The following NFIX variants were observed in gnomAD, a reference collection of about 807,000 sequenced individuals.
NFIX encodes nuclear factor I X, also known as nuclear factor 1 X-type.
In NFIX, 2 loss-of-function variants were observed where a neutral mutation model predicts 53.3. That is an observed-to-expected ratio of 0.04 (90% CI 0.02 to 0.12). The LOEUF (loss-of-function observed/expected upper bound fraction) is 0.12. Among genes scored for constraint, NFIX ranks in the 10% least tolerant of loss-of-function variants. The probability of loss-of-function intolerance (pLI) is 1.00; values close to 1 mark genes in which losing one functional copy is unlikely to be tolerated. For missense variants in NFIX, 310 were observed against 674.5 expected (o/e 0.46, Z 5.99); for synonymous variants, 244 against 289.0 (o/e 0.84, Z 1.58).
chr19:13,088,248 C>A lies in NFIX; in HGVS notation c.1402+112C>A. On this transcript the variant is annotated intron_variant, in intron 9 of 10. Coordinates refer to ENST00000592199, the MANE Select transcript of NFIX (RefSeq NM_001365902.3). The surrounding 1 kb of genome is among the most constrained non-coding windows in gnomAD (Gnocchi z 5.9). Reference sequence around the variant, plus strand: ...CCTCCCCACCACCAAAGCCCCCCAACCCAGAGCACCATGGACAAGAGCAGA... The same window carrying A: ...CCTCCCCACCACCAAAGCCCCCCAAACCAGAGCACCATGGACAAGAGCAGA... 1 of 1,302,980 alleles carries A rather than the reference C, an allele frequency of 7.7e-7. No homozygotes were observed. The highest frequency in any genetic ancestry group is 1.0e-6 in the Non-Finnish European group (1 of 961,696). 80.7% of individuals were successfully genotyped at this position (1,302,980 alleles called of 1,614,324 possible). A position where few individuals can be genotyped will look rare whatever the true frequency, so the allele number is the denominator to read the frequency against.
chr19:13,020,732 G>C (rs1304025250), intron 1 of NFIX, among the ~76,000 whole-genome samples: 1 of 152,092 alleles, frequency 6.6e-6, no homozygotes, highest in Non-Finnish European at 1.5e-5. Context: ...CTCTTCTGCC[G>C]CCTCTCCTCT....
chr19:12,998,279 C>T lies in NFIX; in HGVS notation c.27+2415C>T, dbSNP rs1028597822. Among the ~76,000 whole-genome samples, 7 of 151,898 alleles carry T rather than the reference C, an allele frequency of 4.6e-5. No homozygotes were observed. The highest frequency in any genetic ancestry group is 1.2e-4 in the African/African-American group (5 of 41,318). On this transcript the variant is annotated intron_variant, in intron 1 of 10. Transcript: ENST00000592199. The surrounding 1 kb of genome is among the most constrained non-coding windows in gnomAD (Gnocchi z 4.4). The stretch of plus-strand genomic sequence containing the variant: ...TCTGCTCCCCCCTCCACTGGCGTCT[C>T]GGACTCTCTCTCTCTCTGTCTCTCT...
At position 13,049,924 on chromosome 19, in the gene NFIX, G is replaced by T. The variant is rs1333279629; in HGVS notation, c.560-23123G>T. On this transcript the variant is annotated intron_variant, in intron 2 of 10. Coordinates refer to ENST00000592199, the MANE Select transcript of NFIX (RefSeq NM_001365902.3). The surrounding 1 kb of genome is among the most constrained non-coding windows in gnomAD (Gnocchi z 4.5). Reference sequence around the variant, plus strand: ...TTTTAAGGCCAAATAATATTTAATTGTATGGCTGTGCCACATTTTGTTTAT... The same window carrying T: ...TTTTAAGGCCAAATAATATTTAATTTTATGGCTGTGCCACATTTTGTTTAT... Among the ~76,000 whole-genome samples the T allele has an allele frequency of 1.3e-5, 2 of 152,324 alleles. No homozygotes were observed. The highest frequency in any genetic ancestry group is 2.9e-5 in the Non-Finnish European group (2 of 68,038).
rs1034596724 is a variant in NFIX, at chr19:13,081,173, C to T, written c.1079-507C>T. 3.3e-5 allele frequency among the ~76,000 whole-genome samples: 5 copies of T among 150,564 alleles called. No homozygotes were observed. Among genetic ancestry groups the T allele is most frequent in the African/African-American group, 9.7e-5 (4 of 41,026 alleles). The stretch of plus-strand genomic sequence containing the variant: ...AGCAAAAATCTACCAGGCCTGGTGG[C>T]GTGCACCTGTAGTGCTGGTTACTTG... On this transcript the variant is annotated intron_variant, in intron 7 of 10. Coordinates refer to ENST00000592199, the MANE Select transcript of NFIX (RefSeq NM_001365902.3). This position sits in a 1 kb window ranked among gnomAD's most constrained non-coding sequence, Gnocchi z 4.7.
chr19:13,074,487 G>A (rs939997394), intron 5 of NFIX, among the ~76,000 whole-genome samples: 6 of 152,164 alleles, frequency 3.9e-5, no homozygotes, highest in African/African-American at 1.4e-4. Flanking sequence ...GACCCCTGAG[G>A]GGTTTTAAGC....
chr19:13,022,365 G>T lies in NFIX; in HGVS notation c.28-2656G>T, dbSNP rs4078717. Among the ~76,000 whole-genome samples, 1 of 152,132 alleles carries T rather than the reference G, an allele frequency of 6.6e-6. No homozygotes were observed. The highest frequency in any genetic ancestry group is 2.4e-5 in the African/African-American group (1 of 41,436). ...GGGGGCTGGGGGAGAAGGGAGGGAC[G>T]TGTGGGGTGCTGGCCTCCCCCTTGT... On this transcript the variant is annotated intron_variant, in intron 1 of 10. Coordinates refer to ENST00000592199, the MANE Select transcript of NFIX (RefSeq NM_001365902.3). The surrounding 1 kb of genome is among the most constrained non-coding windows in gnomAD (Gnocchi z 4.5).
In NFIX at chr19:13,081,107, C is replaced by T. The variant is rs2017435841; in HGVS notation, c.1079-573C>T. 6.6e-6 allele frequency among the ~76,000 whole-genome samples: 1 copy of T among 151,620 alleles called. No homozygotes were observed. Among genetic ancestry groups the T allele is most frequent in the African/African-American group, 2.4e-5 (1 of 41,246 alleles). On this transcript the variant is annotated intron_variant, in intron 7 of 10. Coordinates refer to ENST00000592199, the MANE Select transcript of NFIX (RefSeq NM_001365902.3). The surrounding 1 kb of genome is among the most constrained non-coding windows in gnomAD (Gnocchi z 4.7). ...TTGAGCCCAGGAGTTTGAGATTAAC[C>T]AGGACAATATGGCAAAATCTCATCT...
Position 13,037,760 on chromosome 19 carries a change from C to T in NFIX, c.559+12208C>T, listed in dbSNP as rs187024983. Among the ~76,000 whole-genome samples, 1 of 152,168 alleles carries T rather than the reference C, an allele frequency of 6.6e-6. No individual in the cohort carries two copies. The highest frequency in any genetic ancestry group is 1.9e-4 in the East Asian group (1 of 5,184). ...TTTTCAACCAAGGGCAATTTTGTCC[C>T]GCAGGGAACATTTGGCAATGTCTGT... On this transcript the variant is annotated intron_variant, in intron 2 of 10. Transcript: ENST00000592199. The surrounding 1 kb of genome is among the most constrained non-coding windows in gnomAD (Gnocchi z 4.2).
chr19:13,037,672 C>T lies in NFIX; in HGVS notation c.559+12120C>T, dbSNP rs767788855. ...TGGTTTGCTCAGAGTTTCACAGCCC[C>T]TCACCTCGGTAAACCCCTCAGTCTC... On this transcript the variant is annotated intron_variant, in intron 2 of 10. Coordinates refer to ENST00000592199, the MANE Select transcript of NFIX (RefSeq NM_001365902.3). The surrounding 1 kb of genome is among the most constrained non-coding windows in gnomAD (Gnocchi z 4.2). Among the ~76,000 whole-genome samples, 14 of 152,180 alleles carry T rather than the reference C, an allele frequency of 9.2e-5. No homozygotes were observed. The highest frequency in any genetic ancestry group is 2.2e-4 in the African/African-American group (9 of 41,424).
rs1250509298 is a variant in NFIX, at chr19:13,097,769, C to T, written c.*3120C>T. On this transcript the variant is annotated 3_prime_UTR_variant, in exon 11 of 11. Transcript: ENST00000592199. Reference sequence around the variant, plus strand: ...GAGCCAGACGCCAACTTGACCCTCACCAGCATTATCAGGAGCGCGCTCAGC... The same window carrying T: ...GAGCCAGACGCCAACTTGACCCTCATCAGCATTATCAGGAGCGCGCTCAGC... 6.6e-6 allele frequency: 1 copy of T among 152,138 alleles called. No homozygotes were observed. Among genetic ancestry groups the T allele is most frequent in the African/African-American group, 2.4e-5 (1 of 41,286 alleles). The allele number at this position is 152,138 out of a possible 1,614,324, so 9.4% of individuals were successfully genotyped here.
rs2018527248 is a variant in NFIX at position 13,097,414 on chromosome 19, CTTACA to C, written c.*2769_*2773del. ...AATTAAACATAAAACCCTGGTGCTT[CTTACA>C]TTATAAAGTACGTTTTAAAGAACCC... On this transcript the variant is annotated 3_prime_UTR_variant, in exon 11 of 11. Transcript: ENST00000592199. 1 of 152,600 alleles carries C rather than the reference CTTACA, an allele frequency of 6.6e-6. No individual in the cohort carries two copies. The highest frequency in any genetic ancestry group is 1.5e-5 in the Non-Finnish European group (1 of 68,024). 9.5% of individuals were successfully genotyped at this position (152,600 alleles called of 1,614,324 possible). A position where few individuals can be genotyped will look rare whatever the true frequency, so the allele number is the denominator to read the frequency against.
rs893301917 is a variant in NFIX, at chr19:13,090,412, C to G, written c.1494+22C>G. 6.2e-7 allele frequency: 1 copy of G among 1,602,600 alleles called. No homozygotes were observed. The highest frequency in any genetic ancestry group is 8.5e-7 in the Non-Finnish European group (1 of 1,169,642). ...TCAGGTAGGAGACCCTGCCCACCAC[C>G]TGGATGCAGGGACCAGGGGAGTAGT... On this transcript the variant is annotated intron_variant, in intron 10 of 10. Coordinates refer to ENST00000592199, the MANE Select transcript of NFIX (RefSeq NM_001365902.3). The surrounding 1 kb of genome is among the most constrained non-coding windows in gnomAD (Gnocchi z 6.6).
At position 13,081,762 on chromosome 19, in the gene NFIX, G is replaced by A. The variant is rs745896204; in HGVS notation, c.1161G>A (p.Pro387=). Reference sequence around the variant, plus strand: ...AGTCGAGCCCGTATTTCACGCACCCGACCATCCGCTACCACCACCACCACG... The same window carrying A: ...AGTCGAGCCCGTATTTCACGCACCCAACCATCCGCTACCACCACCACCACG... The part of the protein sequence containing the change: ...IQQSSPYFTH[P]TIRYHHHHGQ... The change falls in exon 8 of 11, where the codon CCG becomes CCA. Residue 387 remains proline (P), a synonymous_variant. Coordinates refer to ENST00000592199, the MANE Select transcript of NFIX (RefSeq NM_001365902.3). The surrounding 1 kb of genome is among the most constrained non-coding windows in gnomAD (Gnocchi z 4.7). 2.0e-5 allele frequency: 32 copies of A among 1,613,756 alleles called. No homozygotes were observed. The highest frequency in any genetic ancestry group is 6.7e-5 in the African/African-American group (5 of 74,876).
intron 2 of NFIX, among the ~76,000 whole-genome samples, chr19:13,069,172 C>A (rs1314596003): frequency 6.6e-6 from 1 of 152,188 alleles, no homozygotes; most frequent in African/African-American, 2.4e-5. Context: ...CAACCAGTAT[C>A]TCCAGGGAGC....
Position 13,088,216 on chromosome 19 carries a change from C to G in NFIX, c.1402+80C>G, listed in dbSNP as rs560461488. ...ACAGTCTCCACTGCAAAAAGAAAAG[C>G]CTTCCCCCTCCCCACCACCAAAGCC... On this transcript the variant is annotated intron_variant, in intron 9 of 10. Coordinates refer to ENST00000592199, the MANE Select transcript of NFIX (RefSeq NM_001365902.3). The surrounding 1 kb of genome is among the most constrained non-coding windows in gnomAD (Gnocchi z 5.9). The G allele has an allele frequency of 3.0e-5, 44 of 1,475,748 alleles. No individual in the cohort carries two copies. In the African/African-American group the frequency reaches 6.2e-4, roughly 21 times the overall value. The allele number at this position is 1,475,748 out of a possible 1,614,324, so 91.4% of individuals were successfully genotyped here. A position where few individuals can be genotyped will look rare whatever the true frequency, so the allele number is the denominator to read the frequency against.
At chr19:13,076,294 A>C (rs1365059450) in intron 6 of NFIX, among the ~76,000 whole-genome samples, 1 of 152,122 alleles carries the variant, frequency 6.6e-6, no homozygotes, top group East Asian at 1.9e-4. Flanking sequence ...CCAGGTAGGG[A>C]AGCTAGCGAA....
chr19:13,050,616 G>A (rs1361042371), intron 2 of NFIX, among the ~76,000 whole-genome samples: 1 of 152,032 alleles, frequency 6.6e-6, no homozygotes, highest in Non-Finnish European at 1.5e-5. Flanking sequence ...ATCTGTGTGT[G>A]ACCCACACAG....
At position 13,097,863 on chromosome 19, in the gene NFIX, C is replaced by T. The variant is rs75550675; in HGVS notation, c.*3214C>T. 4,476 of 152,608 alleles carry T rather than the reference C, an allele frequency of 0.029. 75 individuals carry two copies. Among genetic ancestry groups the T allele is most frequent in the Middle Eastern group, 0.082 (24 of 294 alleles). 9.5% of individuals were successfully genotyped at this position (152,608 alleles called of 1,614,324 possible). On this transcript the variant is annotated 3_prime_UTR_variant, in exon 11 of 11. Transcript: ENST00000592199. ...CCCATTCAACATCTCTCATCCTATC[C>T]CCGACCCCCTCCGGGGAACACCGGG...
At chr19:13,055,478 G>C (rs890306713) in intron 2 of NFIX, among the ~76,000 whole-genome samples, 2 of 152,166 alleles carry the variant, frequency 1.3e-5, no homozygotes, top group African/African-American at 4.8e-5. Context: ...TGCGAGGGCC[G>C]GCCGCACTCC....
Sources: allele counts gnomAD v4.1 joint callset (sites outside exome capture counted in the v4.1 genomes callset), GRCh38; gene constraint gnomAD v4.1.1; non-coding constraint Gnocchi (gnomAD v3.1); transcripts MANE v1.5; gene names NCBI Gene and HGNC (gene_info 2026-07-23, HGNC 2026-07-21).